LTBP2: variants seen among roughly 807,000 people sequenced by gnomAD.
The protein encoded by LTBP2 is latent transforming growth factor beta binding protein 2.
A neutral mutation model predicts 210.6 loss-of-function variants in LTBP2; 103 were observed. The ratio of observed to expected loss-of-function variants is 0.49; its 90% confidence interval spans 0.42 to 0.58. The LOEUF is 0.58. Among genes scored for constraint, LTBP2 ranks in the 20% least tolerant of loss-of-function variants. The pLI, the probability that LTBP2 is intolerant of heterozygous loss-of-function variation, is 0.00. For synonymous variants in LTBP2, 1,007 were observed against 1,015.0 expected (o/e 0.99, Z 0.15); for missense variants, 2,313 against 2,494.5 (o/e 0.93, Z 1.55).
At chr14:74,528,427 T>G in intron 12 of LTBP2, 56 bp downstream of exon 12, 1 of 1,586,304 alleles carries the variant, frequency 6.3e-7, no homozygotes, top group Non-Finnish European at 8.6e-7. Flanking sequence ...TTCTCTGAGG[T>G]GCTGGAAACT....
chr14:74,555,545 T>C lies in LTBP2; in HGVS notation c.979A>G (p.Thr327Ala). 2 of 1,613,248 alleles carry C rather than the reference T, an allele frequency of 1.2e-6. No homozygotes were observed. Among genetic ancestry groups the C allele is most frequent in the South Asian group, 2.2e-5 (2 of 90,950 alleles). ...TGCTCCAGAGGTACCGCCTGTTGGG[T>C]GCCATCTCTCTGCTCAAGGCCTGGT... Reference protein sequence around the residue: ...PGPGLEQRDGTQQAVPLEHPS... With the variant: ...PGPGLEQRDGAQQAVPLEHPS... Residue 327 changes from threonine to alanine, a missense_variant, in exon 4 of 36, where the codon ACC (threonine) becomes GCC (alanine). Physicochemically the swap from Thr to Ala is moderately conservative, Grantham distance 58 (BLOSUM62 0). Around this residue, in one of 3 missense-constraint regions of LTBP2, gnomAD observed 1,867 missense variants for 1,976.9 expected, o/e 0.94. Transcript: ENST00000261978.
intron 2 of LTBP2, among the ~76,000 whole-genome samples, chr14:74,587,882 A>C (rs879945604): frequency 1.3e-5 from 2 of 152,178 alleles, no homozygotes; most frequent in Non-Finnish European, 2.9e-5. Flanking sequence ...TTCAGGATTC[A>C]AGTCCATAGA....
At position 74,498,920 on chromosome 14, in the gene LTBP2, T is replaced by C. The variant is rs1377461540; in HGVS notation, c.*1964A>G. The C allele has an allele frequency of 4.9e-5, 11 of 225,846 alleles. No homozygotes were observed. The Admixed American group carries it at 6.3e-4, about 13-fold the overall frequency. The allele number at this position is 225,846 out of a possible 1,614,324, so 14.0% of individuals were successfully genotyped here. A position where few individuals can be genotyped will look rare whatever the true frequency, so the allele number is the denominator to read the frequency against. On this transcript the variant is annotated 3_prime_UTR_variant, in exon 36 of 36. Transcript: ENST00000261978. ...GGGTTCCATAGCAATTAATTGTTTC[T>C]AATCTTTAGCTATTACAAATGATGC...
intron 2 of LTBP2, among the ~76,000 whole-genome samples, chr14:74,590,905 C>T (rs1024731063): frequency 1.3e-5 from 2 of 152,204 alleles, no homozygotes; most frequent in South Asian, 2.1e-4. Flanking sequence ...TACACTACTC[C>T]GGTGATGGGT....
At chr14:74,588,107 C>T (rs1470616459) in intron 2 of LTBP2, among the ~76,000 whole-genome samples, 2 of 152,366 alleles carry the variant, frequency 1.3e-5, no homozygotes, top group East Asian at 3.9e-4. Context: ...TGCTGGACAC[C>T]CACCTCTCAG....
intron 18 of LTBP2, among the ~76,000 whole-genome samples, chr14:74,514,493 C>T (rs1008753845): frequency 2.0e-5 from 3 of 152,188 alleles, no homozygotes; most frequent in African/African-American, 4.8e-5. Flanking sequence ...GCTTCTCTAA[C>T]CACAGATCAG....
chr14:74,596,945 AG>A (rs58210192), intron 2 of LTBP2, among the ~76,000 whole-genome samples: 23,033 of 152,188 alleles, frequency 0.15, 2,719 homozygotes, highest in African/African-American at 0.32. Context: ...GAAAGACTGA[AG>A]GTCAGACAAG....
At chr14:74,528,934 G>A (rs1430673079) in intron 11 of LTBP2, 24 bp downstream of exon 11, 1 of 1,609,264 alleles carries the variant, frequency 6.2e-7, no homozygotes, top group South Asian at 1.1e-5. Flanking sequence ...GGCAGTGAAA[G>A]CTGGGATGGG....
chr14:74,585,886 CTG>C lies in LTBP2; in HGVS notation c.796_797del (p.Gln266ValfsTer42). On this transcript the variant is annotated frameshift_variant, in exon 3 of 36. Coordinates refer to ENST00000261978, the MANE Select transcript of LTBP2 (RefSeq NM_000428.3). LOFTEE classifies it high-confidence loss of function. ...TLARAQPPAP[Q>X]SPPAPQSPPA... is the part of the protein sequence containing the mutation. ...GTGGCGACTGTGGTGCGGGCGGCGA[CTG>C]TGGTGCTGGCGGCTGTGCTCTGGCC... The C allele has an allele frequency of 6.2e-7, 1 of 1,613,946 alleles. No individual in the cohort carries two copies. Among genetic ancestry groups the C allele is most frequent in the Non-Finnish European group, 8.5e-7 (1 of 1,179,816 alleles).
chr14:74,594,117 T>A (rs1447220925), intron 2 of LTBP2, among the ~76,000 whole-genome samples: 1 of 152,062 alleles, frequency 6.6e-6, no homozygotes, highest in Non-Finnish European at 1.5e-5. Flanking sequence ...TCTCCAGGGA[T>A]CAAGCCCTGG....
chr14:74,552,496 A>G, intron 5 of LTBP2, 103 bp from the exon 6 acceptor site: 1 of 1,082,112 alleles, frequency 9.2e-7, no homozygotes, highest in Non-Finnish European at 1.4e-6. Context: ...CCCTGACCCT[A>G]GATGGCTCCT....
chr14:74,585,781 G>T (rs528908936), intron 3 of LTBP2, 73 bp downstream of exon 3: 2 of 1,608,554 alleles, frequency 1.2e-6, no homozygotes, highest in Non-Finnish European at 1.7e-6. Flanking sequence ...TTCACCAAAC[G>T]GTCCAAAGGA....
chr14:74,528,616 C>T lies in LTBP2; in HGVS notation c.2235G>A (p.Glu745=), dbSNP rs1159344456. 1.2e-6 allele frequency: 2 copies of T among 1,613,632 alleles called. No individual in the cohort carries two copies. The highest frequency in any genetic ancestry group is 8.5e-7 in the Non-Finnish European group (1 of 1,180,052). Residue 745 remains glutamate (E), a synonymous_variant, in exon 12 of 36, where the codon GAG becomes GAA. Coordinates refer to ENST00000261978, the MANE Select transcript of LTBP2 (RefSeq NM_000428.3). The stretch of plus-strand genomic sequence containing the variant: ...TTGGGGGCCTTGCCAGTTCCTCCTC[C>T]TCGGCTTTCCTCATGGACAGGCGGA... ...SDIRLSMRKA[E]EEELARPPRE...
chr14:74,604,114 C>G (rs965459624), intron 1 of LTBP2, among the ~76,000 whole-genome samples: 1 of 140,758 alleles, frequency 7.1e-6, no homozygotes, highest in African/African-American at 2.7e-5. Context: ...TGATTCAAAC[C>G]TGGGTTGGCC....
intron 3 of LTBP2, among the ~76,000 whole-genome samples, chr14:74,572,358 C>T (rs1489270873): frequency 2.0e-5 from 3 of 150,652 alleles, no homozygotes; most frequent in East Asian, 1.9e-4. Flanking sequence ...TGTGTGCATG[C>T]GCCATGACAG....
In LTBP2 at chr14:74,508,899, T is replaced by G; in HGVS notation, c.3457A>C (p.Asn1153His). The change falls in exon 23 of 36, where the codon AAC becomes CAC. Residue 1153 changes from asparagine (N) to histidine (H), a missense_variant. Coordinates refer to ENST00000261978, the MANE Select transcript of LTBP2 (RefSeq NM_000428.3). ...AGGCACTGGTAGGAGCCCACAGTGT[T>G]CTTGCACTCGCCTCCCAGGCAGCTG... is the stretch of plus-strand genomic sequence containing the variant. ...QSSCLGGECK[N>H]TVGSYQCLCP... The G allele has an allele frequency of 6.2e-7, 1 of 1,613,766 alleles. No individual in the cohort carries two copies. Among genetic ancestry groups the G allele is most frequent in the Non-Finnish European group, 8.5e-7 (1 of 1,179,950 alleles).
intron 2 of LTBP2, among the ~76,000 whole-genome samples, chr14:74,589,123 A>T (rs979353618): frequency 2.6e-5 from 4 of 152,350 alleles, no homozygotes; most frequent in African/African-American, 9.6e-5. Context: ...AAGCCCACAC[A>T]GAATTTTTAA....
chr14:74,507,894 C>T, intron 25 of LTBP2, 79 bp downstream of exon 25: 1 of 1,596,098 alleles, frequency 6.3e-7, no homozygotes, highest in Non-Finnish European at 8.6e-7. Context: ...GTGCTCTGCT[C>T]CATGGGAGCT....
intron 8 of LTBP2, among the ~76,000 whole-genome samples, chr14:74,541,397 CTT>C (rs1566630368): frequency 6.6e-6 from 1 of 152,120 alleles, no homozygotes; most frequent in African/African-American, 2.4e-5. Context: ...ATTATAAAGG[CTT>C]TACACGAATT....
Sources: gnomAD v4.1 joint callset for allele counts (sites outside exome capture counted in the v4.1 genomes callset) on GRCh38, gnomAD v4.1.1 for gene constraint, gnomAD v4.1.1 regional missense constraint, MANE v1.5 for transcripts, NCBI Gene and HGNC (gene_info 2026-07-23, HGNC 2026-07-21) for gene names.